VANGL1: variants seen among roughly 807,000 people sequenced by gnomAD.
VANGL1 encodes the protein vang-like protein 1.
VANGL1 carries 18 observed loss-of-function variants against 48.4 expected under a neutral mutation model. That is an observed-to-expected ratio of 0.37 (90% CI 0.26 to 0.55). The LOEUF is 0.55. Among genes scored for constraint, VANGL1 ranks in the 20% least tolerant of loss-of-function variants. VANGL1 has a pLI of 0.81. For missense variants in VANGL1, 667 were observed against 675.8 expected (o/e 0.99, Z 0.14); for synonymous variants, 257 against 261.8 (o/e 0.98, Z 0.18).
chr1:115,659,568 A>G (rs2101327414), intron 2 of VANGL1, 73 bp from the exon 3 acceptor site: 2 of 1,591,938 alleles, frequency 1.3e-6, no homozygotes, highest in Admixed American at 1.7e-5. Flanking sequence ...ATTCAAAATG[A>G]TACTTACATT....
chr1:115,671,548 C>T (rs1652974555), intron 4 of VANGL1, among the ~76,000 whole-genome samples: 1 of 152,204 alleles, frequency 6.6e-6, no homozygotes, highest in Non-Finnish European at 1.5e-5. Flanking sequence ...GAGTCCATAT[C>T]TAAATCTTTT....
At chr1:115,683,277 C>A (rs765450523) in intron 5 of VANGL1, among the ~76,000 whole-genome samples, 7 of 152,122 alleles carry the variant, frequency 4.6e-5, no homozygotes, top group Non-Finnish European at 8.8e-5. Context: ...AGTCACCAGC[C>A]AAGTAGATCA....
chr1:115,669,385 G>C (rs1652896066), intron 4 of VANGL1, among the ~76,000 whole-genome samples: 1 of 152,198 alleles, frequency 6.6e-6, no homozygotes, highest in Non-Finnish European at 1.5e-5. Flanking sequence ...CATTCATTGA[G>C]ACTGAGAGAG....
intron 4 of VANGL1, among the ~76,000 whole-genome samples, chr1:115,678,187 G>C (rs1036849365): frequency 6.6e-6 from 1 of 152,246 alleles, no homozygotes; most frequent in South Asian, 2.1e-4. Flanking sequence ...CACAAGTCAT[G>C]TGTCATCACT....
intron 4 of VANGL1, among the ~76,000 whole-genome samples, chr1:115,677,487 C>G (rs191215693): frequency 6.6e-6 from 1 of 152,206 alleles, no homozygotes; most frequent in Non-Finnish European, 1.5e-5. Context: ...ATTGCTGGCC[C>G]GTCCTTCCCA....
chr1:115,676,103 A>G (rs753961921), intron 4 of VANGL1, among the ~76,000 whole-genome samples: 20 of 152,144 alleles, frequency 1.3e-4, no homozygotes, highest in Admixed American at 2.6e-4. Flanking sequence ...TCATTATTTC[A>G]TTTGCTCTTC....
rs1340680952 is a variant in VANGL1, at chr1:115,697,471, G to C, written c.*6092G>C. The C allele has an allele frequency of 6.6e-6, 1 of 152,172 alleles. No individual in the cohort carries two copies. The highest frequency in any genetic ancestry group is 1.5e-5 in the Non-Finnish European group (1 of 68,036). 9.4% of individuals were successfully genotyped at this position (152,172 alleles called of 1,614,324 possible). A position where few individuals can be genotyped will look rare whatever the true frequency, so the allele number is the denominator to read the frequency against. On this transcript the variant is annotated 3_prime_UTR_variant, in exon 8 of 8. Coordinates refer to ENST00000355485, the MANE Select transcript of VANGL1 (RefSeq NM_138959.3). ...AGTTATGGCGTGATTAGCCAAATTT[G>C]ATTTCCAACAGTCATTTATGGCCAT...
Position 115,663,861 on chromosome 1 carries a change from G to A in VANGL1, c.405G>A (p.Pro135=), listed in dbSNP as rs200325939. The A allele has an allele frequency of 3.2e-5, 52 of 1,614,006 alleles. 1 individual carries two copies. In the Middle Eastern group the frequency reaches 4.9e-4, roughly 15 times the overall value. The change falls in exon 4 of 8, where the codon CCG becomes CCA. Residue 135 remains proline (P), a synonymous_variant. Coordinates refer to ENST00000355485, the MANE Select transcript of VANGL1 (RefSeq NM_138959.3). ...CTATTGCCTTCATCCTTTTACCTCCGATCCTGTGGAGGGATGAGCTGGAGC... is the reference window on the plus strand; with the variant it reads ...CTATTGCCTTCATCCTTTTACCTCCAATCCTGTGGAGGGATGAGCTGGAGC... ...LTPIAFILLP[P]ILWRDELEPC...
chr1:115,674,966 A>G (rs1388038663), intron 4 of VANGL1, among the ~76,000 whole-genome samples: 1 of 152,142 alleles, frequency 6.6e-6, no homozygotes, highest in African/African-American at 2.4e-5. Flanking sequence ...GTGTGCATGT[A>G]TGCACACATT....
rs981604903 is a variant in VANGL1 at position 115,651,265 on chromosome 1, CCT to C, written c.-137-9_-137-8del. 5.9e-6 allele frequency: 4 copies of C among 673,722 alleles called. No individual in the cohort carries two copies. The highest frequency in any genetic ancestry group is 2.7e-5 in the East Asian group (1 of 36,598). The allele number at this position is 673,722 out of a possible 1,614,324, so 41.7% of individuals were successfully genotyped here. ...GAAGATTAATGTCTTTTTTTTTCCC[CCT>C]CTTTCCCAGAATTTGTTCCTGTTGA... On this transcript the variant is annotated splice_polypyrimidine_tract_variant and intron_variant, in intron 1 of 7. Coordinates refer to ENST00000355485, the MANE Select transcript of VANGL1 (RefSeq NM_138959.3).
At chr1:115,650,282 C>G (rs986407314) in intron 1 of VANGL1, among the ~76,000 whole-genome samples, 1 of 151,988 alleles carries the variant, frequency 6.6e-6, no homozygotes, top group Non-Finnish European at 1.5e-5. Flanking sequence ...AAGAAGGAAC[C>G]CTGTTGAGCT....
chr1:115,676,312 G>A (rs1418578480), intron 4 of VANGL1, among the ~76,000 whole-genome samples: 2 of 152,098 alleles, frequency 1.3e-5, no homozygotes, highest in Non-Finnish European at 2.9e-5. Flanking sequence ...AGGAAGTACT[G>A]CATAAAAACA....
At chr1:115,674,457 T>A (rs926686045) in intron 4 of VANGL1, among the ~76,000 whole-genome samples, 1 of 152,172 alleles carries the variant, frequency 6.6e-6, no homozygotes, top group Non-Finnish European at 1.5e-5. Context: ...TTATTAAGAT[T>A]TTTCTGAATG....
intron 4 of VANGL1, among the ~76,000 whole-genome samples, chr1:115,667,337 AT>A (rs1652830616): frequency 6.6e-6 from 1 of 152,236 alleles, no homozygotes; most frequent in South Asian, 2.1e-4. Context: ...GTTGGCAGGA[AT>A]GAAGTTTTGG....
intron 1 of VANGL1, among the ~76,000 whole-genome samples, chr1:115,645,638 C>G (rs763013924): frequency 6.6e-6 from 1 of 152,128 alleles, no homozygotes; most frequent in Non-Finnish European, 1.5e-5. Flanking sequence ...TGACTCTAAA[C>G]AAAATTATTT....
chr1:115,691,468 T>C lies in VANGL1; in HGVS notation c.*89T>C. The C allele has an allele frequency of 7.2e-7, 1 of 1,381,168 alleles. No individual in the cohort carries two copies. Among genetic ancestry groups the C allele is most frequent in the South Asian group, 1.5e-5 (1 of 68,046 alleles). 85.6% of individuals were successfully genotyped at this position (1,381,168 alleles called of 1,614,324 possible). A position where few individuals can be genotyped will look rare whatever the true frequency, so the allele number is the denominator to read the frequency against. ...GCCAGAGGGGTGTCTTTTTTAAAAA[T>C]TCTTCTTCATTGCTGACTGAAACTG... is the stretch of plus-strand genomic sequence containing the variant. On this transcript the variant is annotated 3_prime_UTR_variant, in exon 8 of 8. Coordinates refer to ENST00000355485, the MANE Select transcript of VANGL1 (RefSeq NM_138959.3).
chr1:115,666,471 G>T (rs1014203844), intron 4 of VANGL1, among the ~76,000 whole-genome samples: 1 of 152,162 alleles, frequency 6.6e-6, no homozygotes, highest in African/African-American at 2.4e-5. Context: ...TGCTGGTCAG[G>T]GCAGAGCTGG....
chr1:115,678,276 G>A (rs1653241052), intron 4 of VANGL1, among the ~76,000 whole-genome samples: 1 of 152,232 alleles, frequency 6.6e-6, no homozygotes, highest in Non-Finnish European at 1.5e-5. Context: ...CCAGTCCTGT[G>A]TTGGCTTTGT....
At chr1:115,674,372 A>C (rs997746907) in intron 4 of VANGL1, among the ~76,000 whole-genome samples, 1 of 152,164 alleles carries the variant, frequency 6.6e-6, no homozygotes, top group African/African-American at 2.4e-5. Context: ...TTTCATTTAC[A>C]TCCGGGTCTC....
Sources: gnomAD v4.1 joint callset for allele counts (sites outside exome capture counted in the v4.1 genomes callset) on GRCh38, gnomAD v4.1.1 for gene constraint, MANE v1.5 for transcripts, NCBI Gene and HGNC (gene_info 2026-07-23, HGNC 2026-07-21) for gene names.